Variants in KCTD2 observed in about 807,000 individuals in gnomAD.
KCTD2 encodes BTB/POZ domain-containing protein KCTD2.
In KCTD2, 18 loss-of-function variants were observed where a neutral mutation model predicts 27.9. The observed-to-expected ratio is 0.64, with a 90% CI of 0.45 to 0.96. KCTD2 has a LOEUF of 0.96. Among genes scored for constraint, KCTD2 ranks in the 40% least tolerant of loss-of-function variants. The pLI is 0.00. For missense variants in KCTD2, 280 were observed against 348.0 expected (o/e 0.80, Z 1.56); for synonymous variants, 175 against 148.4 (o/e 1.18, Z -1.30).
upstream of KCTD2, among the ~76,000 whole-genome samples, chr17:75,044,184 C>A (rs541402066): frequency 1.4e-4 from 19 of 137,776 alleles, no homozygotes; most frequent in Non-Finnish European, 2.4e-4. Flanking sequence ...ACCACCACAC[C>A]CAGCTAATTT....
chr17:75,053,858 C>T (rs200452841), intron 3 of KCTD2, among the ~76,000 whole-genome samples: 968 of 59,246 alleles, frequency 0.016, 15 homozygotes, highest in African/African-American at 0.087. Context: ...GTGAACCATG[C>T]TTTTTTTTTT....
chr17:75,060,748 T>A, intron 4 of KCTD2: 1 of 668,194 alleles, frequency 1.5e-6, no homozygotes, highest in Non-Finnish European at 2.4e-6. Flanking sequence ...TAAATATGAT[T>A]TTATACGGAT....
In KCTD2 at chr17:75,053,095, G is replaced by C. The variant is rs764289937; in HGVS notation, c.530G>C (p.Arg177Thr). Residue 177 changes from arginine (R) to threonine (T), a missense_variant, in exon 3 of 6, where the codon AGA (arginine) becomes ACA (threonine). Arg to Thr is a moderately conservative substitution (Grantham distance 71). Coordinates refer to ENST00000322444, the MANE Select transcript of KCTD2 (RefSeq NM_015353.3). The part of the protein sequence containing the change: ...VKERIRDNEN[R>T]TSQGPVKHVY... ...GAAAGGATACGGGACAATGAGAACAGAACTTCACAAGTAATGTATTTGGAA... is the reference window on the plus strand; with the variant it reads ...GAAAGGATACGGGACAATGAGAACACAACTTCACAAGTAATGTATTTGGAA... The C allele has an allele frequency of 3.7e-6, 6 of 1,613,024 alleles. No homozygotes were observed. In the South Asian group the frequency reaches 6.6e-5, roughly 18 times the overall value.
At chr17:75,059,409 A>G in intron 3 of KCTD2, 101 bp from the exon 4 acceptor site, 1 of 630,054 alleles carries the variant, frequency 1.6e-6, no homozygotes, top group Non-Finnish European at 2.6e-6. Flanking sequence ...ATTTCCAAGC[A>G]AACTCCTTTT....
At chr17:75,050,566 G>C (rs2073273951) in intron 2 of KCTD2, among the ~76,000 whole-genome samples, 1 of 151,972 alleles carries the variant, frequency 6.6e-6, no homozygotes, top group Admixed American at 6.5e-5. Context: ...CCCGACCTGA[G>C]ATGTTTGGAT....
At chr17:75,046,371 C>T (rs935372003), upstream of KCTD2, among the ~76,000 whole-genome samples, 4 of 152,210 alleles carry the variant, frequency 2.6e-5, no homozygotes, top group African/African-American at 9.7e-5. Flanking sequence ...CGTGAGCCAC[C>T]GCGCCCGGCG....
intron 3 of KCTD2, among the ~76,000 whole-genome samples, chr17:75,056,880 G>A (rs779950482): frequency 2.6e-5 from 4 of 151,538 alleles, no homozygotes; most frequent in South Asian, 2.1e-4. Context: ...CCCTACCTTC[G>A]GTTTCATGAC....
At chr17:75,037,644 G>A (rs2073117107) in intron 3 of KCTD2, among the ~76,000 whole-genome samples, 1 of 152,172 alleles carries the variant, frequency 6.6e-6, no homozygotes, top group East Asian at 1.9e-4. Flanking sequence ...TTAAATACTT[G>A]CATTACTCTA....
intron 2 of KCTD2, among the ~76,000 whole-genome samples, chr17:75,052,639 C>G (rs1040492812): frequency 2.6e-5 from 4 of 152,206 alleles, no homozygotes; most frequent in African/African-American, 9.7e-5. Flanking sequence ...AGCAGAATCT[C>G]TTGAACCCAG....
At chr17:75,039,171 A>G (rs773934350) in intron 3 of KCTD2, 1 of 1,613,180 alleles carries the variant, frequency 6.2e-7, no homozygotes, top group Admixed American at 1.7e-5. Context: ...TGAAAGAGAG[A>G]ACCCATATTA....
Position 75,053,083 on chromosome 17 carries a change from A to G in KCTD2, c.518A>G (p.Asp173Gly). Residue 173 changes from aspartate (D) to glycine (G), a missense_variant, in exon 3 of 6, where the codon GAC becomes GGC. Asp to Gly is a moderately conservative substitution (Grantham distance 94). Coordinates refer to ENST00000322444, the MANE Select transcript of KCTD2 (RefSeq NM_015353.3). ...LVRLVKERIR[D>G]NENRTSQGPV... The stretch of plus-strand genomic sequence containing the variant: ...CGGCTGGTTAAGGAAAGGATACGGG[A>G]CAATGAGAACAGAACTTCACAAGTA... The G allele has an allele frequency of 6.2e-7, 1 of 1,613,814 alleles. No individual in the cohort carries two copies. Among genetic ancestry groups the G allele is most frequent in the South Asian group, 1.1e-5 (1 of 91,074 alleles).
At chr17:75,045,158 A>C (rs2073200726), upstream of KCTD2, among the ~76,000 whole-genome samples, 1 of 152,210 alleles carries the variant, frequency 6.6e-6, no homozygotes. Flanking sequence ...AGCCACAAAA[A>C]CCAGCAAGTT....
chr17:75,059,503 A>G lies in KCTD2; in HGVS notation c.541-7A>G. ...TGCTGTTCTCAGTCTGCGCCTGGTC[A>G]TTGCAGGGCCCCGTGAAGCACGTGT... On this transcript the variant is annotated splice_region_variant and splice_polypyrimidine_tract_variant and intron_variant, in intron 3 of 5. Transcript: ENST00000322444. 1.2e-6 allele frequency: 2 copies of G among 1,608,814 alleles called. No homozygotes were observed. The highest frequency in any genetic ancestry group is 2.2e-5 in the South Asian group (2 of 90,576).
rs754182203 is a variant in KCTD2, at chr17:75,049,337, A to T, written c.448+9A>T. 3 of 1,506,324 alleles carry T rather than the reference A, an allele frequency of 2.0e-6. No homozygotes were observed. The highest frequency in any genetic ancestry group is 2.8e-6 in the Non-Finnish European group (3 of 1,086,730). 93.3% of individuals were successfully genotyped at this position (1,506,324 alleles called of 1,614,324 possible). The stretch of plus-strand genomic sequence containing the variant: ...GGAGTTGGCAGAAGAAGGTAAGCGC[A>T]CTGTTTGCATTGGGGATTTTCAAAA... On this transcript the variant is annotated intron_variant, in intron 2 of 5. Coordinates refer to ENST00000322444, the MANE Select transcript of KCTD2 (RefSeq NM_015353.3).
rs563522324 is a variant in KCTD2 at position 75,053,065 on chromosome 17, T to C, written c.500T>C (p.Val167Ala). 2 of 1,613,890 alleles carry C rather than the reference T, an allele frequency of 1.2e-6. No homozygotes were observed. Among genetic ancestry groups the C allele is most frequent in the Admixed American group, 3.3e-5 (2 of 59,986 alleles). The change falls in exon 3 of 6, where the codon GTT becomes GCT. Residue 167 changes from valine to alanine, a missense_variant. Physicochemically the swap from Val to Ala is moderately conservative, Grantham distance 64. Transcript: ENST00000322444. ...AACATCGCGTCCCTTGTGCGGCTGG[T>C]TAAGGAAAGGATACGGGACAATGAG... ...FYNIASLVRL[V>A]KERIRDNENR...
chr17:75,048,944 G>A, intron 1 of KCTD2: 1 of 277,104 alleles, frequency 3.6e-6, no homozygotes, highest in East Asian at 6.2e-5. Flanking sequence ...GGCAAAGATT[G>A]CAAATTCCAG....
intron 3 of KCTD2, chr17:75,042,062 A>T: frequency 1.2e-6 from 1 of 858,468 alleles, no homozygotes; most frequent in South Asian, 1.8e-5. Flanking sequence ...GGCCATACGC[A>T]TCCTTCCTAA....
chr17:75,033,822 T>G (rs1304143660), intron 1 of KCTD2, among the ~76,000 whole-genome samples: 1 of 152,204 alleles, frequency 6.6e-6, no homozygotes, highest in Non-Finnish European at 1.5e-5. Flanking sequence ...ACCCACTCCA[T>G]GGATCGCGCC....
At chr17:75,060,501 A>G in intron 4 of KCTD2, 1 of 1,612,276 alleles carries the variant, frequency 6.2e-7, no homozygotes, top group Non-Finnish European at 8.5e-7. Flanking sequence ...TAACCAGACA[A>G]CAGCGCGACA....
Sources: allele counts gnomAD v4.1 joint callset (sites outside exome capture counted in the v4.1 genomes callset), GRCh38; gene constraint gnomAD v4.1.1; transcripts MANE v1.5; gene names NCBI Gene and HGNC (gene_info 2026-07-23, HGNC 2026-07-21).